The following LLGL2 variants were observed in gnomAD, a reference collection of about 807,000 sequenced individuals.
LLGL2 encodes LLGL2, scribble cell polarity complex component.
LLGL2 carries 81 observed loss-of-function variants against 123.2 expected under a neutral mutation model. That is an observed-to-expected ratio of 0.66 (90% confidence interval 0.55 to 0.79). LLGL2 has a LOEUF of 0.79. Ranked by LOEUF, LLGL2 falls within the 30% of genes least tolerant of loss-of-function variation. The probability of loss-of-function intolerance (pLI) is 0.00; values close to 1 mark genes in which losing one functional copy is unlikely to be tolerated. For missense variants in LLGL2, 1,273 were observed against 1,414.6 expected (o/e 0.90, Z 1.61); for synonymous variants, 577 against 594.1 (o/e 0.97, Z 0.42).
rs748459461 is a variant in LLGL2 at position 75,573,084 on chromosome 17, G to A, written c.2531G>A (p.Arg844Gln). The A allele has an allele frequency of 1.8e-5, 29 of 1,612,718 alleles. No homozygotes were observed. In the East Asian group the frequency reaches 3.6e-4, roughly 20 times the overall value. The change falls in exon 20 of 26, where the codon CGG becomes CAG. Residue 844 changes from arginine to glutamine, a missense_variant. Coordinates refer to ENST00000392550, the MANE Select transcript of LLGL2 (RefSeq NM_001031803.2). ...KLTALEGSRVRRVSVAHFGSR... is the reference protein window; with the variant it reads ...KLTALEGSRVQRVSVAHFGSR... ...ACGGCCCTGGAGGGCTCAAGAGTGC[G>A]GCGGGTCAGCGTGGCCCACTTCGGC...
intron 21 of LLGL2, 51 bp downstream of exon 21, chr17:75,573,682 C>A: frequency 1.3e-6 from 2 of 1,491,160 alleles, no homozygotes; most frequent in Non-Finnish European, 1.8e-6. Flanking sequence ...CCTCCCTGCC[C>A]TCTCTGAGAT....
At chr17:75,542,219 C>G (rs1294408115) in intron 1 of LLGL2, among the ~76,000 whole-genome samples, 1 of 151,814 alleles carries the variant, frequency 6.6e-6, no homozygotes, top group Non-Finnish European at 1.5e-5. Flanking sequence ...CGAAATCCTT[C>G]AAACCTCAGC....
At chr17:75,560,234 C>T (rs2055138964) in intron 6 of LLGL2, among the ~76,000 whole-genome samples, 1 of 152,228 alleles carries the variant, frequency 6.6e-6, no homozygotes, top group Non-Finnish European at 1.5e-5. Flanking sequence ...TGAGTGCAGA[C>T]CTCTGCCTTT....
Position 75,570,388 on chromosome 17 carries a change from C to T in LLGL2, c.1915C>T (p.Pro639Ser), listed in dbSNP as rs150412778. The T allele has an allele frequency of 1.4e-3, 2,191 of 1,611,374 alleles. 34 individuals are homozygous for T. The African/African-American group carries it at 0.026, about 19-fold the overall frequency. Residue 639 changes from proline to serine, a missense_variant, in exon 16 of 26, where the codon CCA (proline) becomes TCA (serine). Coordinates refer to ENST00000392550, the MANE Select transcript of LLGL2 (RefSeq NM_001031803.2). ...CAGTGACCAGCTGGCCTTGGAGGGC[C>T]CACTCTCCCGCGTCAAGTCCCTCAA... The part of the protein sequence containing the change: ...HPSDQLALEG[P>S]LSRVKSLKKS...
chr17:75,550,736 G>A (rs996599397), intron 2 of LLGL2, among the ~76,000 whole-genome samples: 16 of 140,904 alleles, frequency 1.1e-4, no homozygotes, highest in African/African-American at 2.4e-4. Context: ...AGCTGAGATC[G>A]TACCACTGCA....
Position 75,573,502 on chromosome 17 carries a change from C to T in LLGL2, c.2747C>T (p.Ser916Leu), listed in dbSNP as rs768986085. ...YGQGFYLISP[S>L]EFERFSLSTK... The stretch of plus-strand genomic sequence containing the variant: ...CCAGGCTTCTACCTGATCTCACCCT[C>T]GGAGTTTGAGCGCTTCTCTCTCTCC... Residue 916 changes from serine (S) to leucine (L), a missense_variant, in exon 21 of 26, where the codon TCG becomes TTG. Physicochemically the swap from Ser to Leu is moderately radical, Grantham distance 145. Transcript: ENST00000392550. 5 of 1,611,580 alleles carry T rather than the reference C, an allele frequency of 3.1e-6. No homozygotes were observed. The highest frequency in any genetic ancestry group is 1.1e-5 in the South Asian group (1 of 91,074).
intron 2 of LLGL2, among the ~76,000 whole-genome samples, chr17:75,554,614 C>T (rs1487624346): frequency 2.7e-5 from 4 of 150,132 alleles, no homozygotes; most frequent in Non-Finnish European, 5.9e-5. Context: ...GTGAGACCCT[C>T]AAAAAAGAAA....
intron 1 of LLGL2, among the ~76,000 whole-genome samples, chr17:75,537,188 G>T (rs117791805): frequency 2.2e-3 from 329 of 152,228 alleles, no homozygotes; most frequent in Non-Finnish European, 3.2e-3. Context: ...CCCATCCCCT[G>T]TTGTGGGCCA....
chr17:75,535,374 C>T (rs2053961227), intron 1 of LLGL2, among the ~76,000 whole-genome samples: 1 of 152,264 alleles, frequency 6.6e-6, no homozygotes, highest in Admixed American at 6.5e-5. Flanking sequence ...TGAGAGCAGG[C>T]AGCTGGCGCT....
chr17:75,563,682 C>A (rs551956222), intron 8 of LLGL2, 70 bp from the exon 9 acceptor site: 108 of 1,563,464 alleles, frequency 6.9e-5, no homozygotes, highest in Non-Finnish European at 8.9e-5. Flanking sequence ...CTAGAGGGAT[C>A]TGTGCCTGTG....
At chr17:75,531,600 G>A (rs2053789175) in intron 1 of LLGL2, among the ~76,000 whole-genome samples, 1 of 152,206 alleles carries the variant, frequency 6.6e-6, no homozygotes, top group African/African-American at 2.4e-5. Flanking sequence ...GCTTGGCAAC[G>A]CTGTTTTCCT....
At chr17:75,534,166 G>A (rs1221249069) in intron 1 of LLGL2, among the ~76,000 whole-genome samples, 1 of 152,274 alleles carries the variant, frequency 6.6e-6, no homozygotes, top group Non-Finnish European at 1.5e-5. Flanking sequence ...CCTGGAGAGA[G>A]AGTCTGGTGT....
At position 75,563,749 on chromosome 17, in the gene LLGL2, C is replaced by G; in HGVS notation, c.827-3C>G. Reference sequence around the variant, plus strand: ...CCGTTCAAGCCGATTCCTTTCCTTTCAGGTCCCTTTCCTTGCAAAGCGATT... The same window carrying G: ...CCGTTCAAGCCGATTCCTTTCCTTTGAGGTCCCTTTCCTTGCAAAGCGATT... On this transcript the variant is annotated splice_polypyrimidine_tract_variant and splice_region_variant and intron_variant, in intron 8 of 25. Coordinates refer to ENST00000392550, the MANE Select transcript of LLGL2 (RefSeq NM_001031803.2). The G allele has an allele frequency of 6.2e-7, 1 of 1,614,126 alleles. No individual in the cohort carries two copies. The highest frequency in any genetic ancestry group is 8.5e-7 in the Non-Finnish European group (1 of 1,180,022).
At chr17:75,551,331 C>T (rs549460526) in intron 2 of LLGL2, among the ~76,000 whole-genome samples, 1 of 152,156 alleles carries the variant, frequency 6.6e-6, no homozygotes, top group African/African-American at 2.4e-5. Flanking sequence ...GTGCAGTCAC[C>T]AGTACCATCC....
intron 2 of LLGL2, among the ~76,000 whole-genome samples, chr17:75,550,341 C>T (rs2054609549): frequency 6.6e-6 from 1 of 152,102 alleles, no homozygotes; most frequent in African/African-American, 2.4e-5. Context: ...CTCCCTCTAA[C>T]AGGGACCTGG....
rs71383066 is a variant in LLGL2 at position 75,558,966 on chromosome 17, G to A, written c.372-286G>A. 2.4e-5 allele frequency: 12 copies of A among 492,850 alleles called. No homozygotes were observed. Among genetic ancestry groups the A allele is most frequent in the African/African-American group, 7.2e-5 (3 of 41,886 alleles). 30.5% of individuals were successfully genotyped at this position (492,850 alleles called of 1,614,324 possible). A position where few individuals can be genotyped will look rare whatever the true frequency, so the allele number is the denominator to read the frequency against. On this transcript the variant is annotated intron_variant, in intron 5 of 25. Transcript: ENST00000392550. The surrounding 1 kb of genome is among the most constrained non-coding windows in gnomAD (Gnocchi z 4.0). Reference sequence around the variant, plus strand: ...ACCCCGCCTCCTCCATCCGCACCCCGCCTCCTCCATCCGCACCCCGCCTCC... The same window carrying A: ...ACCCCGCCTCCTCCATCCGCACCCCACCTCCTCCATCCGCACCCCGCCTCC...
chr17:75,574,072 T>C, intron 22 of LLGL2, 92 bp downstream of exon 22: 2 of 1,549,058 alleles, frequency 1.3e-6, no homozygotes, highest in Non-Finnish European at 8.7e-7. Flanking sequence ...AGTGAGCAGG[T>C]AGTGTTTGGG....
rs994885542 is a variant in LLGL2 at position 75,544,864 on chromosome 17, C to T, written c.75+1363C>T. On this transcript the variant is annotated intron_variant, in intron 2 of 25. Coordinates refer to ENST00000392550, the MANE Select transcript of LLGL2 (RefSeq NM_001031803.2). This position sits in a 1 kb window ranked among gnomAD's most constrained non-coding sequence, Gnocchi z 4.2. Reference sequence around the variant, plus strand: ...TGGAATTAGGGCTTTCCTATCCCAACGTGCCTCCTGCCAGCTCGCTTTTGG... The same window carrying T: ...TGGAATTAGGGCTTTCCTATCCCAATGTGCCTCCTGCCAGCTCGCTTTTGG... Among the ~76,000 whole-genome samples, 2 of 152,132 alleles carry T rather than the reference C, an allele frequency of 1.3e-5. No homozygotes were observed. The highest frequency in any genetic ancestry group is 2.4e-5 in the African/African-American group (1 of 41,420).
chr17:75,531,596 C>T (rs575061703), intron 1 of LLGL2, among the ~76,000 whole-genome samples: 45 of 152,364 alleles, frequency 3.0e-4, no homozygotes, highest in Non-Finnish European at 5.7e-4. Context: ...GTCTGCTTGG[C>T]AACGCTGTTT....
Sources: allele counts gnomAD v4.1 joint callset (sites outside exome capture counted in the v4.1 genomes callset), GRCh38; gene constraint gnomAD v4.1.1; non-coding constraint Gnocchi (gnomAD v3.1); transcripts MANE v1.5; gene names NCBI Gene and HGNC (gene_info 2026-07-23, HGNC 2026-07-21).